Variants in CERS3 observed in about 807,000 individuals in gnomAD.
The protein encoded by CERS3 is LAG1 homolog, ceramide synthase 3.
CERS3 carries 33 observed loss-of-function variants against 50.3 expected under a neutral mutation model. The observed-to-expected ratio is 0.66, with a 90% CI of 0.50 to 0.88. The LOEUF (loss-of-function observed/expected upper bound fraction) is 0.88. Ranked by LOEUF, CERS3 falls within the 40% of genes least tolerant of loss-of-function variation. The pLI, the probability that CERS3 is intolerant of heterozygous loss-of-function variation, is 0.00. For synonymous variants in CERS3, 176 were observed against 155.2 expected (o/e 1.13, Z -0.99); for missense variants, 470 against 460.3 (o/e 1.02, Z -0.19).
At chr15:100,474,275 G>T (rs1276950528) in intron 8 of CERS3, among the ~76,000 whole-genome samples, 3 of 152,168 alleles carry the variant, frequency 2.0e-5, no homozygotes, top group Non-Finnish European at 2.9e-5. Context: ...TGGTTTAATT[G>T]TGTTATATGT....
chr15:100,421,768 G>T (rs1477375927), intron 11 of CERS3, among the ~76,000 whole-genome samples: 1 of 137,458 alleles, frequency 7.3e-6, no homozygotes, highest in Non-Finnish European at 1.6e-5. Flanking sequence ...AGAGCCCTCA[G>T]AAATAATGCC....
intron 2 of CERS3, among the ~76,000 whole-genome samples, chr15:100,504,151 C>T (rs2142337346): frequency 6.6e-6 from 1 of 152,072 alleles, no homozygotes; most frequent in African/African-American, 2.4e-5. Context: ...TCACTTCTTA[C>T]CCACCATTCG....
At chr15:100,502,202 G>T (rs1039127653) in intron 2 of CERS3, among the ~76,000 whole-genome samples, 1 of 131,040 alleles carries the variant, frequency 7.6e-6, no homozygotes. Flanking sequence ...CCAAGATCAC[G>T]CCACTGTACT....
chr15:100,508,033 C>T (rs1387866463), intron 2 of CERS3, among the ~76,000 whole-genome samples: 1 of 152,192 alleles, frequency 6.6e-6, no homozygotes, highest in East Asian at 1.9e-4. Context: ...AGAACCCCAA[C>T]TTATACATCC....
chr15:100,527,204 C>T lies in CERS3; in HGVS notation c.-92+1609G>A, dbSNP rs537071743. 2.4e-4 allele frequency among the ~76,000 whole-genome samples: 37 copies of T among 152,070 alleles called. No individual in the cohort carries two copies. In the South Asian group the frequency reaches 5.2e-3, roughly 21 times the overall value. ...CCCAGCTACTTGGGAGGCTGAGGCA[C>T]GAGAATCGCTTGAACCCAGGAGGCA... On this transcript the variant is annotated intron_variant, in intron 1 of 11. Transcript: ENST00000679737.
At chr15:100,536,439 C>T (rs1174339291) in intron 1 of CERS3, among the ~76,000 whole-genome samples, 1 of 152,132 alleles carries the variant, frequency 6.6e-6, no homozygotes, top group Non-Finnish European at 1.5e-5. Context: ...CACATGCCAC[C>T]ATGCCTGGCT....
At chr15:100,519,462 G>A (rs73475741) in intron 2 of CERS3, among the ~76,000 whole-genome samples, 2,633 of 152,234 alleles carry the variant, frequency 0.017, 81 homozygotes, top group African/African-American at 0.06. Context: ...AGGGTCATAT[G>A]ATATTCAGCT....
intron 3 of CERS3, among the ~76,000 whole-genome samples, chr15:100,497,880 CACACACACACACACACTT>C (rs1390487315): frequency 1.2e-3 from 98 of 83,118 alleles, no homozygotes; most frequent in Middle Eastern, 5.6e-3. Context: ...CACACACACA[CACACACACACACACACTT>C]TTTTTTTTTT....
chr15:100,454,939 T>G (rs758424565), intron 11 of CERS3, among the ~76,000 whole-genome samples: 4 of 152,264 alleles, frequency 2.6e-5, no homozygotes, highest in Non-Finnish European at 5.9e-5. Context: ...GAATAAATAT[T>G]TCTGAAGAAA....
intron 3 of CERS3, chr15:100,500,405 T>G (rs573443371): frequency 6.6e-6 from 1 of 152,292 alleles, no homozygotes; most frequent in South Asian, 2.1e-4. Context: ...AACAAGCTGG[T>G]CCTCCACAGC....
intron 3 of CERS3, among the ~76,000 whole-genome samples, chr15:100,495,645 T>C (rs1371090265): frequency 6.6e-6 from 1 of 152,204 alleles, no homozygotes; most frequent in East Asian, 1.9e-4. Flanking sequence ...CTTTTTATTA[T>C]TGAGTTCTGA....
At chr15:100,538,197 A>T (rs1328450846) in intron 1 of CERS3, among the ~76,000 whole-genome samples, 1 of 152,132 alleles carries the variant, frequency 6.6e-6, no homozygotes, top group Non-Finnish European at 1.5e-5. Context: ...AGCTGTTTTC[A>T]CAGGCTGGCA....
chr15:100,510,345 G>A (rs1055149281), intron 2 of CERS3, among the ~76,000 whole-genome samples: 1 of 151,726 alleles, frequency 6.6e-6, no homozygotes, highest in African/African-American at 2.4e-5. Context: ...CTTACTACAA[G>A]ACAAAAAATA....
intron 5 of CERS3, among the ~76,000 whole-genome samples, chr15:100,480,768 G>A (rs2035274566): frequency 6.6e-6 from 1 of 152,102 alleles, no homozygotes; most frequent in South Asian, 2.1e-4. Context: ...AAAATAAAGA[G>A]TTCTTATCTT....
chr15:100,467,764 T>TATATATATATATATA, intron 10 of CERS3, among the ~76,000 whole-genome samples: 2 of 115,152 alleles, frequency 1.7e-5, no homozygotes, highest in African/African-American at 3.0e-5. Flanking sequence ...TCTCTCTCTC[T>TATATATATATATATA]CTCTCTATAT....
At chr15:100,446,333 C>CAGT (rs2033939104) in intron 11 of CERS3, among the ~76,000 whole-genome samples, 1 of 147,126 alleles carries the variant, frequency 6.8e-6, no homozygotes, top group South Asian at 2.2e-4. Flanking sequence ...ACAAGGTCAT[C>CAGT]AGTAATTCAG....
chr15:100,471,742 A>G (rs1036794477), intron 9 of CERS3, among the ~76,000 whole-genome samples: 2 of 152,186 alleles, frequency 1.3e-5, no homozygotes, highest in African/African-American at 4.8e-5. Context: ...GACCTTTAGA[A>G]TGGGATTTAC....
intron 3 of CERS3, among the ~76,000 whole-genome samples, chr15:100,492,854 T>C (rs2142303925): frequency 6.6e-6 from 1 of 152,348 alleles, no homozygotes; most frequent in African/African-American, 2.4e-5. Context: ...GGTTTTTTAC[T>C]ATTTTAAAAG....
intron 2 of CERS3, among the ~76,000 whole-genome samples, chr15:100,506,473 C>CGT (rs1193131645): frequency 6.8e-5 from 7 of 102,268 alleles, no homozygotes; most frequent in Non-Finnish European, 1.1e-4. Flanking sequence ...CCCCCCGCCG[C>CGT]CCCACACACA....
Sources: allele counts gnomAD v4.1 joint callset (sites outside exome capture counted in the v4.1 genomes callset), GRCh38; gene constraint gnomAD v4.1.1; transcripts MANE v1.5; gene names NCBI Gene and HGNC (gene_info 2026-07-23, HGNC 2026-07-21).